NCOR2: variants seen among roughly 807,000 people sequenced by gnomAD.
The protein encoded by NCOR2 is nuclear receptor corepressor 2.
NCOR2 carries 81 observed loss-of-function variants against 262.9 expected under a neutral mutation model. The ratio of observed to expected loss-of-function variants is 0.31; its 90% CI spans 0.26 to 0.37. The LOEUF (loss-of-function observed/expected upper bound fraction) is 0.37. Among genes scored for constraint, NCOR2 ranks in the 10% least tolerant of loss-of-function variants. The probability of loss-of-function intolerance (pLI) is 1.00; values close to 1 mark genes in which losing one functional copy is unlikely to be tolerated. For synonymous variants in NCOR2, 1,659 were observed against 1,559.3 expected, an observed-to-expected ratio of 1.06 and a Z score of -1.51; for missense variants, 3,385 against 3,621.4, an observed-to-expected ratio of 0.93 and a Z score of 1.68.
chr12:124,500,047 A>G (rs923438298), upstream of NCOR2, among the ~76,000 whole-genome samples: 5 of 152,120 alleles, frequency 3.3e-5, no homozygotes, highest in Non-Finnish European at 7.4e-5. Flanking sequence ...TGGCATACCG[A>G]GAGGTGCCTG....
chr12:124,354,932 G>C, exon 25 of NCOR2: 3 of 1,612,930 alleles, frequency 1.9e-6, no homozygotes, highest in Non-Finnish European at 2.5e-6. Context: ...GAGCTGGACC[G>C]ACATTCCCTG....
Position 124,362,167 on chromosome 12 carries a change from CG to C in NCOR2, c.3058del (p.Arg1020GlyfsTer43). 2.3e-6 allele frequency: 3 copies of C among 1,308,390 alleles called. No homozygotes were observed. Among genetic ancestry groups the C allele is most frequent in the South Asian group, 6.0e-5 (2 of 33,132 alleles). The allele number at this position is 1,308,390 out of a possible 1,614,324, so 81.0% of individuals were successfully genotyped here. ...GGGTGCCGGGCTCCTGCTCTTGCCC[CG>C]GGGGCTGCTGCCAGGCTGCTGAGGG... On this transcript the variant is annotated frameshift_variant, in exon 22 of 47. Coordinates refer to ENST00000405201, the Ensembl canonical transcript of NCOR2. LOFTEE classifies it high-confidence loss of function.
intron 29 of NCOR2, 44 bp from the exon 32 acceptor site, chr12:124,347,955 C>A: frequency 1.3e-6 from 2 of 1,537,588 alleles, no homozygotes. Flanking sequence ...GCTCCCTGAG[C>A]CGACACTGGG....
chr12:124,343,128 G>A, exon 33 of NCOR2: 1 of 1,612,286 alleles, frequency 6.2e-7, no homozygotes, highest in Non-Finnish European at 8.5e-7. Context: ...ATGGGGTGTG[G>A]GTGGTGCTCG....
At chr12:124,415,511 T>TG (rs1406443880) in intron 13 of NCOR2, among the ~76,000 whole-genome samples, 2 of 152,146 alleles carry the variant, frequency 1.3e-5, no homozygotes, top group African/African-American at 2.4e-5. Context: ...ACCAGGCCTG[T>TG]GGGGGGTGGC....
intron 38 of NCOR2, 92 bp from the exon 41 acceptor site, chr12:124,335,724 G>A (rs917772803): frequency 2.2e-5 from 31 of 1,411,574 alleles, no homozygotes; most frequent in South Asian, 1.8e-4. Context: ...CTGGGACCCC[G>A]GGGGGGTCAA....
intron 3 of NCOR2, among the ~76,000 whole-genome samples, chr12:124,475,217 A>AT (rs2047043573): frequency 1.3e-5 from 2 of 152,112 alleles, no homozygotes; most frequent in Non-Finnish European, 2.9e-5. Context: ...AAAAGGGCTC[A>AT]TATCCCTCAA....
chr12:124,529,613 G>A (rs1245789083), intron 1 of NCOR2: 1 of 152,292 alleles, frequency 6.6e-6, no homozygotes, highest in African/African-American at 2.4e-5. Flanking sequence ...GCAGCATAAA[G>A]ACTAGAAAGG....
At chr12:124,499,913 G>T (rs1376133464), upstream of NCOR2, among the ~76,000 whole-genome samples, 5 of 152,164 alleles carry the variant, frequency 3.3e-5, no homozygotes, top group Non-Finnish European at 7.4e-5. Context: ...CAGGGCAACA[G>T]CGACAGAGAA....
At chr12:124,442,730 A>G (rs765927142) in intron 7 of NCOR2, among the ~76,000 whole-genome samples, 12 of 152,158 alleles carry the variant, frequency 7.9e-5, no homozygotes, top group Admixed American at 2.6e-4. Context: ...AAAAAAACTG[A>G]TATGTGTAAA....
intron 8 of NCOR2, among the ~76,000 whole-genome samples, chr12:124,434,187 C>A (rs1205805500): frequency 6.6e-6 from 1 of 152,000 alleles, no homozygotes; most frequent in African/African-American, 2.4e-5. Flanking sequence ...TCCCCAGGAA[C>A]CTGCTAAGGT....
intron 17 of NCOR2, chr12:124,383,286 C>A: frequency 5.2e-6 from 1 of 194,144 alleles, no homozygotes; most frequent in South Asian, 1.9e-4. Flanking sequence ...GTGGCAGAGC[C>A]TACGTTCAAA....
chr12:124,350,244 C>CA (rs2037332908), intron 28 of NCOR2, among the ~76,000 whole-genome samples: 2 of 152,166 alleles, frequency 1.3e-5, no homozygotes, highest in South Asian at 4.1e-4. Flanking sequence ...GCCATGGCCT[C>CA]TTTCATGGCC....
intron 16 of NCOR2, among the ~76,000 whole-genome samples, chr12:124,390,683 C>G (rs780851538): frequency 1.3e-5 from 2 of 152,312 alleles, no homozygotes; most frequent in Admixed American, 1.3e-4. Context: ...CAGGGGGCCC[C>G]GAACCCTCCC....
At chr12:124,372,081 G>C (rs750560367) in exon 20 of NCOR2, 1 of 1,604,160 alleles carries the variant, frequency 6.2e-7, no homozygotes, top group Non-Finnish European at 8.5e-7. Flanking sequence ...TAGCACTGGA[G>C]TCGCTGTCCT....
intron 1 of NCOR2, among the ~76,000 whole-genome samples, chr12:124,522,657 G>C (rs1362642578): frequency 6.6e-6 from 1 of 152,218 alleles, no homozygotes; most frequent in East Asian, 1.9e-4. Flanking sequence ...TATGTTTCAT[G>C]GGCCATGACT....
At chr12:124,497,328 C>T (rs1174146393), upstream of NCOR2, among the ~76,000 whole-genome samples, 1 of 152,226 alleles carries the variant, frequency 6.6e-6, no homozygotes, top group Non-Finnish European at 1.5e-5. The surrounding 1 kb of genome is among the most constrained non-coding windows in gnomAD (Gnocchi z 4.2). Context: ...GCGCAATTCC[C>T]GTGAACATGG....
chr12:124,502,757 C>T (rs2048815869), intron 1 of NCOR2, among the ~76,000 whole-genome samples: 1 of 152,168 alleles, frequency 6.6e-6, no homozygotes, highest in Non-Finnish European at 1.5e-5. Context: ...GGCAAGTCTG[C>T]CTCTGGCGTC....
intron 1 of NCOR2, among the ~76,000 whole-genome samples, chr12:124,545,218 T>A (rs903475597): frequency 1.3e-5 from 2 of 151,770 alleles, no homozygotes; most frequent in African/African-American, 2.4e-5. Context: ...GAGCAGAGTC[T>A]CGGAGGGCCA....
Sources: allele counts gnomAD v4.1 joint callset (sites outside exome capture counted in the v4.1 genomes callset), GRCh38; gene constraint gnomAD v4.1.1; non-coding constraint Gnocchi (gnomAD v3.1); transcripts MANE v1.5; gene names NCBI Gene and HGNC (gene_info 2026-07-23, HGNC 2026-07-21).